The following IMMP2L variants were observed in gnomAD, a reference collection of about 807,000 sequenced individuals.
IMMP2L encodes mitochondrial inner membrane protease subunit 2.
IMMP2L carries 18 observed loss-of-function variants against 19.3 expected under a neutral mutation model. That is an observed-to-expected ratio of 0.93 (90% CI 0.64 to 1.38). IMMP2L has a LOEUF of 1.38. IMMP2L is among the 40% of genes most tolerant of loss of function. IMMP2L has a pLI of 0.00. For missense variants in IMMP2L, 233 were observed against 218.2 expected, an observed-to-expected ratio of 1.07 and a Z score of -0.43; for synonymous variants, 76 against 73.0, an observed-to-expected ratio of 1.04 and a Z score of -0.21.
At chr7:111,117,221 T>A (rs1799988521) in intron 3 of IMMP2L, among the ~76,000 whole-genome samples, 1 of 152,088 alleles carries the variant, frequency 6.6e-6, no homozygotes, top group Admixed American at 6.6e-5. Flanking sequence ...GATAAGTGAG[T>A]TTACACACAT....
chr7:111,174,230 T>C (rs1806784276), intron 3 of IMMP2L, among the ~76,000 whole-genome samples: 1 of 151,452 alleles, frequency 6.6e-6, no homozygotes, highest in South Asian at 2.1e-4. Flanking sequence ...ACTCTAAAAG[T>C]TTCAGTCCTT....
chr7:111,279,671 G>T (rs1276939821), intron 3 of IMMP2L, among the ~76,000 whole-genome samples: 2 of 152,124 alleles, frequency 1.3e-5, no homozygotes, highest in Non-Finnish European at 2.9e-5. Flanking sequence ...CTGAACTCAG[G>T]AAGTCGGGTG....
At chr7:110,958,466 CAG>C (rs1234541444) in intron 4 of IMMP2L, among the ~76,000 whole-genome samples, 4 of 151,950 alleles carry the variant, frequency 2.6e-5, no homozygotes, top group African/African-American at 9.7e-5. Flanking sequence ...TGATTTTTCC[CAG>C]AGAGTAATGC....
At chr7:110,846,580 G>T (rs1805699692) in intron 5 of IMMP2L, among the ~76,000 whole-genome samples, 1 of 151,854 alleles carries the variant, frequency 6.6e-6, no homozygotes, top group Non-Finnish European at 1.5e-5. Context: ...TGGTCAGGCT[G>T]GTCTCGAACT....
chr7:111,342,105 A>G (rs1827067819), intron 3 of IMMP2L, among the ~76,000 whole-genome samples: 1 of 152,178 alleles, frequency 6.6e-6, no homozygotes, highest in African/African-American at 2.4e-5. Context: ...AGTAACCAAA[A>G]TATTTTAAAA....
intron 4 of IMMP2L, among the ~76,000 whole-genome samples, chr7:110,957,077 G>A (rs1440581728): frequency 6.6e-6 from 1 of 151,760 alleles, no homozygotes; most frequent in Non-Finnish European, 1.5e-5. Flanking sequence ...ATACCCATTT[G>A]GGTCCACATT....
intron 3 of IMMP2L, among the ~76,000 whole-genome samples, chr7:111,312,771 A>G (rs544563244): frequency 2.0e-5 from 3 of 152,228 alleles, no homozygotes; most frequent in South Asian, 4.1e-4. Flanking sequence ...ATTGTGTTCA[A>G]TTGCAGTATG....
chr7:110,733,183 T>A (rs1440439673), intron 5 of IMMP2L, among the ~76,000 whole-genome samples: 5 of 152,316 alleles, frequency 3.3e-5, no homozygotes, highest in African/African-American at 4.8e-5. Context: ...AGTTATGCTG[T>A]CTGGTGCTAG....
chr7:111,112,781 T>C (rs993801290), intron 3 of IMMP2L, among the ~76,000 whole-genome samples: 1 of 152,302 alleles, frequency 6.6e-6, no homozygotes, highest in Admixed American at 6.5e-5. Context: ...ATCGCTATTA[T>C]CGTCTTCCTT....
chr7:111,078,846 T>C (rs1361829776), intron 3 of IMMP2L, among the ~76,000 whole-genome samples: 2 of 152,176 alleles, frequency 1.3e-5, no homozygotes, highest in East Asian at 3.9e-4. Context: ...TTCTCCTGCC[T>C]CAGCCTCTGG....
At chr7:111,055,755 CAGG>C (rs1406723381) in intron 3 of IMMP2L, among the ~76,000 whole-genome samples, 2 of 152,148 alleles carry the variant, frequency 1.3e-5, no homozygotes, top group African/African-American at 4.8e-5. Context: ...TGAGGAAATT[CAGG>C]AGAAGGAGCA....
intron 3 of IMMP2L, among the ~76,000 whole-genome samples, chr7:111,369,463 C>T (rs971777181): frequency 2.6e-5 from 4 of 151,606 alleles, no homozygotes; most frequent in Admixed American, 6.6e-5. Context: ...TAAAATTACT[C>T]GTGTCAAAGT....
chr7:111,312,503 T>C (rs149260666), intron 3 of IMMP2L, among the ~76,000 whole-genome samples: 10 of 152,218 alleles, frequency 6.6e-5, no homozygotes, highest in East Asian at 1.9e-4. Flanking sequence ...GAGGGGATCA[T>C]AGATCTCTGT....
rs370966377 is a variant in IMMP2L, at chr7:110,828,634, A to T, written c.408+57959T>A. Among the ~76,000 whole-genome samples, 12 of 152,296 alleles carry T rather than the reference A, an allele frequency of 7.9e-5. No homozygotes were observed. In the South Asian group the frequency reaches 2.1e-3, roughly 26 times the overall value. On this transcript the variant is annotated intron_variant, in intron 5 of 5. Transcript: ENST00000405709. ...CCTTAGGTGATACTAAAAGAAATGTATATGTCAAATGAAGATGGGGCAAGC... is the reference window on the plus strand; with the variant it reads ...CCTTAGGTGATACTAAAAGAAATGTTTATGTCAAATGAAGATGGGGCAAGC...
Position 111,195,148 on chromosome 7 carries a change from C to T in IMMP2L, c.240-231583G>A, listed in dbSNP as rs558534857. On this transcript the variant is annotated intron_variant, in intron 3 of 5. Transcript: ENST00000405709. The stretch of plus-strand genomic sequence containing the variant: ...GAGGCAGGAAGTAATAGATTTTTGG[C>T]TTCCATTTATATTTACATAAAATTA... Among the ~76,000 whole-genome samples the T allele has an allele frequency of 3.3e-5, 5 of 152,098 alleles. No homozygotes were observed. In the East Asian group the frequency reaches 9.7e-4, roughly 29 times the overall value.
intron 5 of IMMP2L, among the ~76,000 whole-genome samples, chr7:110,678,048 G>A (rs886202479): frequency 1.4e-4 from 21 of 152,108 alleles, no homozygotes; most frequent in Admixed American, 4.6e-4. Context: ...TTGCACCTAG[G>A]AATATTTCCT....
intron 3 of IMMP2L, among the ~76,000 whole-genome samples, chr7:111,473,784 A>G (rs1657662036): frequency 1.3e-5 from 2 of 151,676 alleles, no homozygotes; most frequent in African/African-American, 4.9e-5. Flanking sequence ...AACTTAAAAC[A>G]GAACTATCAT....
At chr7:111,259,949 T>A (rs1817138929) in intron 3 of IMMP2L, among the ~76,000 whole-genome samples, 1 of 152,124 alleles carries the variant, frequency 6.6e-6, no homozygotes, top group South Asian at 2.1e-4. Flanking sequence ...CTCCACATCT[T>A]GTCCCACTGG....
At chr7:111,334,308 A>T (rs1406030485) in intron 3 of IMMP2L, among the ~76,000 whole-genome samples, 1 of 151,936 alleles carries the variant, frequency 6.6e-6, no homozygotes, top group African/African-American at 2.4e-5. Flanking sequence ...GAATGTGAAC[A>T]TGTTATATTT....
Sources: gnomAD v4.1 joint callset for allele counts (sites outside exome capture counted in the v4.1 genomes callset) on GRCh38, gnomAD v4.1.1 for gene constraint, MANE v1.5 for transcripts, NCBI Gene and HGNC (gene_info 2026-07-23, HGNC 2026-07-21) for gene names.